The following NOL10 variants were observed in gnomAD, a reference collection of about 807,000 sequenced individuals.
NOL10 encodes nucleolar protein 10.
NOL10 carries 58 observed loss-of-function variants against 103.5 expected under a neutral mutation model. The observed-to-expected ratio is 0.56, with a 90% CI of 0.45 to 0.70. The LOEUF (loss-of-function observed/expected upper bound fraction) is 0.70. Among genes scored for constraint, NOL10 ranks in the 30% least tolerant of loss-of-function variants. NOL10 has a pLI of 0.00. For missense variants in NOL10, 763 were observed against 807.3 expected (o/e 0.95, Z 0.67); for synonymous variants, 287 against 282.5 (o/e 1.02, Z -0.16).
At chr2:10,664,794 C>T (rs1194402789) in intron 8 of NOL10, among the ~76,000 whole-genome samples, 1 of 152,306 alleles carries the variant, frequency 6.6e-6, no homozygotes, top group East Asian at 1.9e-4. Context: ...CTCGCACTTC[C>T]AAAGAGCTGG....
At chr2:10,664,293 T>C (rs1680434858) in intron 8 of NOL10, among the ~76,000 whole-genome samples, 1 of 151,962 alleles carries the variant, frequency 6.6e-6, no homozygotes, top group Non-Finnish European at 1.5e-5. Flanking sequence ...CTGGGCATGG[T>C]GGCAGGTGCT....
intron 1 of NOL10, among the ~76,000 whole-genome samples, chr2:10,687,462 T>C (rs1437318987): frequency 6.6e-6 from 1 of 152,176 alleles, no homozygotes; most frequent in Non-Finnish European, 1.5e-5. Flanking sequence ...TCCCCTCCTC[T>C]TCTTGGATGA....
chr2:10,650,740 T>C (rs1185429650), intron 12 of NOL10, among the ~76,000 whole-genome samples: 1 of 152,044 alleles, frequency 6.6e-6, no homozygotes, highest in Non-Finnish European at 1.5e-5. Context: ...TAGGTGACAA[T>C]GTGAAACCCT....
intron 13 of NOL10, among the ~76,000 whole-genome samples, chr2:10,629,013 GC>G (rs1338364093): frequency 6.6e-6 from 1 of 152,010 alleles, no homozygotes; most frequent in Admixed American, 6.6e-5. Flanking sequence ...CAGGACATAT[GC>G]CCCCCAGAGC....
chr2:10,597,139 T>C (rs1048156315), intron 17 of NOL10, among the ~76,000 whole-genome samples: 1 of 152,198 alleles, frequency 6.6e-6, no homozygotes, highest in Non-Finnish European at 1.5e-5. Context: ...TCGGCCTTAA[T>C]TGTTAACTAG....
At chr2:10,682,927 G>A (rs1009103071) in intron 2 of NOL10, among the ~76,000 whole-genome samples, 8 of 152,030 alleles carry the variant, frequency 5.3e-5, no homozygotes, top group African/African-American at 1.7e-4. Context: ...TGGGGCTACA[G>A]GCACGCACCA....
chr2:10,629,795 A>G (rs1394244977), intron 13 of NOL10, among the ~76,000 whole-genome samples: 1 of 152,232 alleles, frequency 6.6e-6, no homozygotes, highest in East Asian at 1.9e-4. Context: ...CAAGTTTGTC[A>G]CAATCTTTTC....
intron 19 of NOL10, 126 bp downstream of exon 19, chr2:10,588,917 C>A (rs760741122): frequency 1.6e-5 from 23 of 1,397,180 alleles, no homozygotes; most frequent in Admixed American, 2.1e-5. Context: ...CTGCTTCCCT[C>A]GTCCCCTCCA....
At chr2:10,677,225 C>T (rs1681373092) in intron 3 of NOL10, among the ~76,000 whole-genome samples, 1 of 152,070 alleles carries the variant, frequency 6.6e-6, no homozygotes, top group South Asian at 2.1e-4. Context: ...AGGAGTTAGC[C>T]ACCATGCCTG....
rs1674531292 is a variant in NOL10 at position 10,577,732 on chromosome 2, G to A, written c.1851C>T (p.Thr617=). 4 of 1,601,934 alleles carry A rather than the reference G, an allele frequency of 2.5e-6. No individual in the cohort carries two copies. The highest frequency in any genetic ancestry group is 3.4e-6 in the Non-Finnish European group (4 of 1,172,530). ...SATKQKLMNK[T]LEDRLKIEAK... ...CTTCAATTTTCAAACGATCTTCAAG[G>A]GTTTTGCTATGGGAAATTCAAAAGA... The change falls in exon 20 of 21, where the codon ACC becomes ACT. Residue 617 remains threonine, a synonymous_variant. Transcript: ENST00000381685.
intron 17 of NOL10, among the ~76,000 whole-genome samples, chr2:10,593,462 A>C (rs1675505451): frequency 6.6e-6 from 1 of 152,150 alleles, no homozygotes; most frequent in African/African-American, 2.4e-5. Flanking sequence ...TTTCAATGCT[A>C]TGATACCTAT....
chr2:10,576,841 T>C (rs543082402), intron 20 of NOL10, among the ~76,000 whole-genome samples: 1 of 152,256 alleles, frequency 6.6e-6, no homozygotes, highest in Admixed American at 6.5e-5. Flanking sequence ...TTGTACACTT[T>C]AAAAGGATGC....
At chr2:10,684,996 G>A (rs1486919568) in intron 1 of NOL10, among the ~76,000 whole-genome samples, 2 of 152,090 alleles carry the variant, frequency 1.3e-5, no homozygotes, top group East Asian at 1.9e-4. Context: ...CACCAGGCCC[G>A]GCCAGATAAG....
chr2:10,672,374 C>G (rs1167282719), intron 5 of NOL10, among the ~76,000 whole-genome samples: 1 of 152,048 alleles, frequency 6.6e-6, no homozygotes, highest in African/African-American at 2.4e-5. Context: ...CATTATCACA[C>G]AAGTTATGAT....
At chr2:10,673,101 T>TA (rs1032736430) in intron 5 of NOL10, among the ~76,000 whole-genome samples, 170 of 151,576 alleles carry the variant, frequency 1.1e-3, no homozygotes, top group African/African-American at 3.8e-3. Flanking sequence ...TTTGCAAAGT[T>TA]AAAAAAAAAT....
chr2:10,583,981 A>G (rs1453652050), intron 19 of NOL10, among the ~76,000 whole-genome samples: 1 of 152,206 alleles, frequency 6.6e-6, no homozygotes, highest in Admixed American at 6.5e-5. Flanking sequence ...CATTCATCTA[A>G]GCTGTAAGAT....
intron 13 of NOL10, among the ~76,000 whole-genome samples, chr2:10,627,223 CA>C (rs1293768653): frequency 6.6e-6 from 1 of 152,192 alleles, no homozygotes; most frequent in Non-Finnish European, 1.5e-5. Context: ...TGAAAAATCA[CA>C]AAACAGAACT....
intron 13 of NOL10, among the ~76,000 whole-genome samples, chr2:10,616,214 T>G (rs1477952998): frequency 1.5e-5 from 2 of 134,706 alleles, no homozygotes; most frequent in Non-Finnish European, 3.1e-5. Context: ...AACACCACCC[T>G]GCATTTTTTT....
chr2:10,621,193 A>G (rs185731183), intron 13 of NOL10, among the ~76,000 whole-genome samples: 6 of 152,356 alleles, frequency 3.9e-5, no homozygotes, highest in Admixed American at 3.3e-4. Flanking sequence ...TTATTTAAAA[A>G]AAACCATACA....
Sources: allele counts gnomAD v4.1 joint callset (sites outside exome capture counted in the v4.1 genomes callset), GRCh38; gene constraint gnomAD v4.1.1; transcripts MANE v1.5; gene names NCBI Gene and HGNC (gene_info 2026-07-23, HGNC 2026-07-21).